Variants in SASH1 observed in about 807,000 individuals in gnomAD.
SASH1 encodes the protein SAM and SH3 domain containing 1.
In SASH1, 44 loss-of-function variants were observed where a neutral mutation model predicts 125.2. That is an observed-to-expected ratio of 0.35 (90% CI 0.28 to 0.45). The LOEUF is 0.45. Ranked by LOEUF, SASH1 falls within the 20% of genes least tolerant of loss-of-function variation. SASH1 has a pLI of 1.00. For missense variants in SASH1, 1,426 were observed against 1,614.5 expected, an observed-to-expected ratio of 0.88 and a Z score of 2.00; for synonymous variants, 639 against 649.1, an observed-to-expected ratio of 0.98 and a Z score of 0.24.
At chr6:148,358,727 G>GTTTTTTTT (rs1554242358) in intron 1 of SASH1, among the ~76,000 whole-genome samples, 1 of 98,784 alleles carries the variant, frequency 1.0e-5, no homozygotes, top group African/African-American at 3.5e-5. Flanking sequence ...CTAATGCCAT[G>GTTTTTTTT]TTTTTGTTTT....
chr6:148,513,474 C>T (rs1456461724), intron 8 of SASH1: 1 of 985,304 alleles, frequency 1.0e-6, no homozygotes, highest in Non-Finnish European at 1.2e-6. Flanking sequence ...GATGTTGGAG[C>T]TGACTTAGAA....
intron 9 of SASH1, among the ~76,000 whole-genome samples, chr6:148,515,920 A>T (rs905543017): frequency 6.6e-6 from 1 of 152,226 alleles, no homozygotes; most frequent in African/African-American, 2.4e-5. Flanking sequence ...ACATGGGCAA[A>T]GTATCTAGTC....
chr6:148,487,088 T>TACACACACAC (rs757099589), intron 7 of SASH1, among the ~76,000 whole-genome samples: 1,328 of 101,646 alleles, frequency 0.013, 21 homozygotes, highest in Non-Finnish European at 0.018. Flanking sequence ...ATAACACATA[T>TACACACACAC]ATATACACAC....
the SASH1 span, among the ~76,000 whole-genome samples, chr6:148,217,506 G>A: frequency 6.6e-6 from 1 of 152,058 alleles, no homozygotes; most frequent in Admixed American, 6.5e-5. Flanking sequence ...TTACAGACAG[G>A]AAAACTGAGA....
intron 1 of SASH1, among the ~76,000 whole-genome samples, chr6:148,276,855 C>T (rs781396763): frequency 4.3e-4 from 65 of 152,132 alleles, no homozygotes; most frequent in Non-Finnish European, 8.4e-4. Flanking sequence ...GAGGCTGAGG[C>T]AGGAGAGTCA....
intron 2 of SASH1, among the ~76,000 whole-genome samples, chr6:148,417,548 G>A (rs1706342869): frequency 6.7e-6 from 1 of 149,298 alleles, no homozygotes; most frequent in Non-Finnish European, 1.5e-5. Flanking sequence ...TTGTGCCACT[G>A]CACTCCAGCC....
chr6:148,334,300 C>T (rs992051033), intron 1 of SASH1, among the ~76,000 whole-genome samples: 1 of 147,550 alleles, frequency 6.8e-6, no homozygotes, highest in South Asian at 2.1e-4. Context: ...TGATGGCGGG[C>T]GCCTGTAGTC....
intron 9 of SASH1, among the ~76,000 whole-genome samples, chr6:148,518,248 G>GAAC (rs2115345549): frequency 6.6e-6 from 1 of 152,230 alleles, no homozygotes; most frequent in South Asian, 2.1e-4. Context: ...AAAGATCCCT[G>GAAC]AACAACTCTT....
intron 8 of SASH1, chr6:148,513,548 G>A (rs1780270680): frequency 3.0e-6 from 3 of 985,500 alleles, no homozygotes; most frequent in Non-Finnish European, 3.6e-6. Flanking sequence ...GCTGCAGAGA[G>A]AGATATTTTT....
intron 1 of SASH1, among the ~76,000 whole-genome samples, chr6:148,379,117 G>A (rs1783030067): frequency 6.6e-6 from 1 of 152,150 alleles, no homozygotes; most frequent in South Asian, 2.1e-4. Flanking sequence ...ATGACAGCGA[G>A]TTTCGTACTT....
chr6:148,334,928 C>T (rs1443277880), intron 1 of SASH1, among the ~76,000 whole-genome samples: 3 of 144,194 alleles, frequency 2.1e-5, no homozygotes, highest in African/African-American at 7.8e-5. Context: ...GAGCCGAGAT[C>T]ACACCACTGC....
rs1015040655 is a variant in SASH1, at chr6:148,533,086, C to G, written c.1734+120C>G. On this transcript the variant is annotated intron_variant, in intron 14 of 19. Transcript: ENST00000367467. The surrounding 1 kb of genome is among the most constrained non-coding windows in gnomAD (Gnocchi z 6.2). ...TGGTACAGACTGGACAGTATCTTGGCTACCTCGATCACTGGTCTCCTCTGT... is the reference window on the plus strand; with the variant it reads ...TGGTACAGACTGGACAGTATCTTGGGTACCTCGATCACTGGTCTCCTCTGT... The G allele has an allele frequency of 3.6e-6, 4 of 1,096,598 alleles. No individual in the cohort carries two copies. In the Admixed American group the frequency reaches 8.6e-5, roughly 24 times the overall value. 67.9% of individuals were successfully genotyped at this position (1,096,598 alleles called of 1,614,324 possible).
At chr6:148,513,225 G>A in intron 8 of SASH1, 1 of 985,358 alleles carries the variant, frequency 1.0e-6, no homozygotes, top group Non-Finnish European at 1.2e-6. Context: ...TTTTTGTTTT[G>A]TGTGTTCATT....
the SASH1 span, among the ~76,000 whole-genome samples, chr6:148,207,744 A>G: frequency 1.3e-5 from 2 of 152,298 alleles, no homozygotes; most frequent in Non-Finnish European, 2.9e-5. Context: ...TTTCCTGAAC[A>G]TTCTCCTCTT....
chr6:148,227,502 C>T, the SASH1 span, among the ~76,000 whole-genome samples: 2 of 152,138 alleles, frequency 1.3e-5, no homozygotes, highest in Non-Finnish European at 2.9e-5. Context: ...AGATTACAGG[C>T]ATGCACCACC....
At chr6:148,537,439 A>AGAT (rs1045955597) in intron 16 of SASH1, among the ~76,000 whole-genome samples, 45 of 152,370 alleles carry the variant, frequency 3.0e-4, no homozygotes, top group African/African-American at 1.0e-3. Context: ...GGTAAAATAC[A>AGAT]GATAATCTAA....
chr6:148,531,158 T>TAATC (rs1244339748), intron 12 of SASH1, among the ~76,000 whole-genome samples: 1 of 152,212 alleles, frequency 6.6e-6, no homozygotes, highest in Non-Finnish European at 1.5e-5. Context: ...GGTATTCTAG[T>TAATC]AATCATGGAT....
chr6:148,441,367 CT>C (rs917999811), intron 4 of SASH1, among the ~76,000 whole-genome samples: 1 of 152,150 alleles, frequency 6.6e-6, no homozygotes, highest in Non-Finnish European at 1.5e-5. Flanking sequence ...TAATTCTAAA[CT>C]TAAGAGGCTT....
chr6:148,223,913 C>A, the SASH1 span, among the ~76,000 whole-genome samples: 1 of 152,176 alleles, frequency 6.6e-6, no homozygotes, highest in African/African-American at 2.4e-5. Context: ...TTGAGAACAT[C>A]CATATCTCTA....
Sources: allele counts gnomAD v4.1 joint callset (sites outside exome capture counted in the v4.1 genomes callset), GRCh38; gene constraint gnomAD v4.1.1; non-coding constraint Gnocchi (gnomAD v3.1); transcripts MANE v1.5; gene names NCBI Gene and HGNC (gene_info 2026-07-23, HGNC 2026-07-21).